RP2: variants seen among roughly 807,000 people sequenced by gnomAD.
RP2 encodes the protein RP2 activator of ARL3 GTPase.
A neutral mutation model predicts 20.3 loss-of-function variants in RP2; 3 were observed. The observed-to-expected ratio is 0.15, with a 90% CI of 0.07 to 0.38. RP2 has a LOEUF of 0.38. Among genes scored for constraint, RP2 ranks in the 10% least tolerant of loss-of-function variants. The probability of loss-of-function intolerance (pLI) is 1.00; values close to 1 mark genes in which losing one functional copy is unlikely to be tolerated. For synonymous variants in RP2, 75 were observed against 94.8 expected, an observed-to-expected ratio of 0.79 and a Z score of 1.22; for missense variants, 233 against 268.5, an observed-to-expected ratio of 0.87 and a Z score of 0.92.
At chrX:46,869,607 T>C (rs1449559532) in intron 3 of RP2, among the ~76,000 whole-genome samples, 1 of 82,417 alleles carries the variant, frequency 1.2e-5, no homozygotes, top group East Asian at 4.0e-4. Flanking sequence ...TCATACATAC[T>C]TTTTTTTTTT....
chrX:46,878,687 A>G lies in RP2; in HGVS notation c.970-999A>G, dbSNP rs782433458. Among the ~76,000 whole-genome samples the G allele has an allele frequency of 2.7e-5, 3 of 111,475 alleles. No homozygotes were observed. The East Asian group carries it at 8.5e-4, about 32-fold the overall frequency. ...GAATAGAAAAGGAAACTGAGAGATA[A>G]AATGGTTAGAATTTGGACTTTTAGA... On this transcript the variant is annotated intron_variant, in intron 4 of 4. Coordinates refer to ENST00000218340, the MANE Select transcript of RP2 (RefSeq NM_006915.3).
At chrX:46,873,121 A>G (rs1259891525) in intron 3 of RP2, among the ~76,000 whole-genome samples, 1 of 111,723 alleles carries the variant, frequency 9.0e-6, no homozygotes, top group Non-Finnish European at 1.9e-5. Context: ...GAGGAATGTC[A>G]TGGTCCTTTT....
chrX:46,842,133 CGA>C (rs1924632925), intron 1 of RP2, among the ~76,000 whole-genome samples: 1 of 111,387 alleles, frequency 9.0e-6, no homozygotes, highest in Non-Finnish European at 1.9e-5. Context: ...AGGCTGGTCT[CGA>C]AACTCCTGGC....
At chrX:46,871,731 G>A (rs1556326504) in intron 3 of RP2, among the ~76,000 whole-genome samples, 2 of 111,945 alleles carry the variant, frequency 1.8e-5, no homozygotes, top group Admixed American at 9.5e-5. Context: ...TGCTATTCAG[G>A]TTATCTGTAT....
intron 1 of RP2, among the ~76,000 whole-genome samples, chrX:46,841,835 T>C (rs1924627120): frequency 8.9e-6 from 1 of 112,489 alleles, no homozygotes; most frequent in African/African-American, 3.2e-5. Flanking sequence ...TCTTTGTTTA[T>C]TAATTTTAAA....
intron 2 of RP2, among the ~76,000 whole-genome samples, chrX:46,857,355 T>A (rs937070127): frequency 9.1e-6 from 1 of 110,456 alleles, no homozygotes; most frequent in East Asian, 2.8e-4. Flanking sequence ...AGGTCAGGAG[T>A]TCAAGACCAG....
chrX:46,862,396 C>A (rs1349716596), intron 3 of RP2, among the ~76,000 whole-genome samples: 1 of 102,635 alleles, frequency 9.7e-6, no homozygotes, highest in East Asian at 3.1e-4. Flanking sequence ...TGTGGTGGCT[C>A]ACGCCTGTAA....
chrX:46,843,048 C>T (rs1179280173), intron 1 of RP2, among the ~76,000 whole-genome samples: 1 of 102,559 alleles, frequency 9.8e-6, no homozygotes, highest in Admixed American at 1.1e-4. Flanking sequence ...CACTCTGTCG[C>T]CCAGGCTGGA....
rs957630998 is a variant in RP2, at chrX:46,877,516, G to A, written c.895G>A (p.Ala299Thr). The change falls in exon 4 of 5, where the codon GCC becomes ACC. Residue 299 changes from alanine to threonine, a missense_variant. Around this residue, in one of 3 missense-constraint regions of RP2, gnomAD observed 118 missense variants for 123.8 expected, o/e 0.95. Transcript: ENST00000218340. ...LPLLNKGPVI[A>T]LEFNGDGAVE... ...GGGTTTGCTTATAGGTCCTGTTATTGCCTTGGAGTTTAATGGGGATGGTGC... is the reference window on the plus strand; with the variant it reads ...GGGTTTGCTTATAGGTCCTGTTATTACCTTGGAGTTTAATGGGGATGGTGC... 3 of 1,202,591 alleles carry A rather than the reference G, an allele frequency of 2.5e-6. No individual in the cohort carries two copies. Among genetic ancestry groups the A allele is most frequent in the Admixed American group, 2.2e-5 (1 of 46,009 alleles).
intron 2 of RP2, among the ~76,000 whole-genome samples, chrX:46,856,855 A>G (rs1924969136): frequency 8.9e-6 from 1 of 112,375 alleles, no homozygotes; most frequent in Admixed American, 9.5e-5. Context: ...ATAAAATACC[A>G]AGTACATGTG....
At chrX:46,875,982 T>C (rs1925368735) in intron 3 of RP2, among the ~76,000 whole-genome samples, 1 of 110,795 alleles carries the variant, frequency 9.0e-6, no homozygotes, top group African/African-American at 3.3e-5. Flanking sequence ...TAAATAAAAA[T>C]TTAAGATTTT....
intron 4 of RP2, among the ~76,000 whole-genome samples, chrX:46,879,132 TG>T (rs1421738969): frequency 2.9e-5 from 3 of 101,905 alleles, no homozygotes; most frequent in South Asian, 4.8e-4. Flanking sequence ...ACCAGCTACT[TG>T]GGGGGCTGAG....
At chrX:46,856,671 G>A (rs1477821948) in intron 2 of RP2, among the ~76,000 whole-genome samples, 1 of 111,605 alleles carries the variant, frequency 9.0e-6, no homozygotes, top group Non-Finnish European at 1.9e-5. Flanking sequence ...ACATGATGCT[G>A]TTATGCTCCC....
chrX:46,855,680 T>C (rs1194472309), intron 2 of RP2, among the ~76,000 whole-genome samples: 6 of 110,459 alleles, frequency 5.4e-5, no homozygotes, highest in Admixed American at 1.9e-4. Flanking sequence ...TTGGTTAGGC[T>C]GGTCTCGAAC....
At chrX:46,852,895 A>G (rs1039525358) in intron 1 of RP2, among the ~76,000 whole-genome samples, 28 of 111,692 alleles carry the variant, frequency 2.5e-4, no homozygotes, top group African/African-American at 9.1e-4. Flanking sequence ...AGATTTTTTT[A>G]GAAATTAGAA....
At position 46,854,160 on chromosome X, in the gene RP2, G is replaced by A. The variant is rs782439424; in HGVS notation, c.768+19G>A. 1 of 1,179,849 alleles carries A rather than the reference G, an allele frequency of 8.5e-7. No homozygotes were observed. Among genetic ancestry groups the A allele is most frequent in the South Asian group, 1.8e-5 (1 of 56,059 alleles). ...TGATGAGGTAAGGAGAAAGAGAAGAGAAATAGTCATACACCTAGATTTAAA... is the reference window on the plus strand; with the variant it reads ...TGATGAGGTAAGGAGAAAGAGAAGAAAAATAGTCATACACCTAGATTTAAA... On this transcript the variant is annotated intron_variant, in intron 2 of 4. Transcript: ENST00000218340.
At chrX:46,861,128 T>C (rs782718551) in intron 3 of RP2, among the ~76,000 whole-genome samples, 1 of 112,030 alleles carries the variant, frequency 8.9e-6, no homozygotes, top group African/African-American at 3.2e-5. Context: ...TGAAAATGAA[T>C]GTTTAACTTC....
At chrX:46,871,021 CTTTTTTT>C (rs58549261) in intron 3 of RP2, among the ~76,000 whole-genome samples, 3 of 77,377 alleles carry the variant, frequency 3.9e-5, no homozygotes, top group Non-Finnish European at 7.1e-5. Context: ...ACGCTCATTC[CTTTTTTT>C]TTTTTTTTTT....
chrX:46,847,500 G>A (rs1421391571), intron 1 of RP2, among the ~76,000 whole-genome samples: 2 of 105,332 alleles, frequency 1.9e-5, no homozygotes, highest in Non-Finnish European at 3.9e-5. Flanking sequence ...GCGCGATCTC[G>A]GTTCACTGCA....
Sources: gnomAD v4.1 joint callset for allele counts (sites outside exome capture counted in the v4.1 genomes callset) on GRCh38, gnomAD v4.1.1 for gene constraint, gnomAD v4.1.1 regional missense constraint, MANE v1.5 for transcripts, NCBI Gene and HGNC (gene_info 2026-07-23, HGNC 2026-07-21) for gene names.